Variants in GALNT10 observed in about 807,000 individuals in gnomAD.
GALNT10 encodes polypeptide N-acetylgalactosaminyltransferase 10.
In GALNT10, 41 loss-of-function variants were observed where a neutral mutation model predicts 75.0. That is an observed-to-expected ratio of 0.55 (90% CI 0.43 to 0.71). The LOEUF is 0.71. Among genes scored for constraint, GALNT10 ranks in the 30% least tolerant of loss-of-function variants. The probability of loss-of-function intolerance (pLI) is 0.00; values close to 1 mark genes in which losing one functional copy is unlikely to be tolerated. For missense variants in GALNT10, 727 were observed against 818.5 expected (o/e 0.89, Z 1.36); for synonymous variants, 302 against 313.0 (o/e 0.96, Z 0.37).
At chr5:154,279,366 C>T (rs1284729911) in intron 1 of GALNT10, among the ~76,000 whole-genome samples, 3 of 147,508 alleles carry the variant, frequency 2.0e-5, no homozygotes, top group Non-Finnish European at 4.5e-5. Flanking sequence ...TACAATGGCA[C>T]GATCTCGGCT....
chr5:154,302,830 C>T (rs1433483375), intron 3 of GALNT10, among the ~76,000 whole-genome samples: 2 of 152,106 alleles, frequency 1.3e-5, no homozygotes, highest in East Asian at 1.9e-4. Context: ...CTTATAAGCT[C>T]ATATTACTAT....
intron 1 of GALNT10, among the ~76,000 whole-genome samples, chr5:154,229,147 C>A (rs1468896116): frequency 6.6e-6 from 1 of 152,104 alleles, no homozygotes; most frequent in African/African-American, 2.4e-5. Flanking sequence ...CACTAGAGAA[C>A]CAGAGGAGGA....
intron 6 of GALNT10, among the ~76,000 whole-genome samples, chr5:154,385,587 C>CT (rs1418389805): frequency 6.6e-6 from 1 of 152,200 alleles, no homozygotes; most frequent in East Asian, 1.9e-4. Context: ...TATGCACCCT[C>CT]TGTCTTGAGG....
rs1254429574 is a variant in GALNT10 at position 154,416,269 on chromosome 5, G to A, written c.1653+337G>A. Among the ~76,000 whole-genome samples the A allele has an allele frequency of 2.6e-5, 4 of 151,554 alleles. No homozygotes were observed. The highest frequency in any genetic ancestry group is 1.9e-4 in the East Asian group (1 of 5,152). ...AGCCTGGCCAACATGGTGAAACCCCGTCTCTATACAAAAATCAGCCAGACA... is the reference window on the plus strand; with the variant it reads ...AGCCTGGCCAACATGGTGAAACCCCATCTCTATACAAAAATCAGCCAGACA... On this transcript the variant is annotated intron_variant, in intron 11 of 11. Coordinates refer to ENST00000297107, the MANE Select transcript of GALNT10 (RefSeq NM_198321.4). This position sits in a 1 kb window ranked among gnomAD's most constrained non-coding sequence, Gnocchi z 4.5.
chr5:154,299,095 A>G (rs1045982317), intron 3 of GALNT10, among the ~76,000 whole-genome samples: 22 of 152,230 alleles, frequency 1.4e-4, no homozygotes, highest in African/African-American at 4.8e-4. Flanking sequence ...ATAAAAGCTA[A>G]CATTTATTAG....
At chr5:154,301,903 C>T (rs1754368338) in intron 3 of GALNT10, among the ~76,000 whole-genome samples, 1 of 151,830 alleles carries the variant, frequency 6.6e-6, no homozygotes, top group Non-Finnish European at 1.5e-5. Flanking sequence ...GTCACCAGCC[C>T]ACCCACCCAG....
At chr5:154,384,306 G>C (rs1755776241) in intron 6 of GALNT10, among the ~76,000 whole-genome samples, 1 of 152,122 alleles carries the variant, frequency 6.6e-6, no homozygotes, top group Non-Finnish European at 1.5e-5. Context: ...GGTTAAATCA[G>C]CACTGTCCAA....
At chr5:154,303,568 C>G (rs1754390108) in intron 3 of GALNT10, among the ~76,000 whole-genome samples, 1 of 152,170 alleles carries the variant, frequency 6.6e-6, no homozygotes, top group South Asian at 2.1e-4. Flanking sequence ...TCCCACCACC[C>G]AGACTGGAAA....
rs537589292 is a variant in GALNT10 at position 154,370,586 on chromosome 5, T to C, written c.569-5691T>C. On this transcript the variant is annotated intron_variant, in intron 4 of 11. Coordinates refer to ENST00000297107, the MANE Select transcript of GALNT10 (RefSeq NM_198321.4). ...AGAGAACCTGAGGCTGAAGGAGACATCCTGGGGCCTTTGAACACCAGAAAT... is the reference window on the plus strand; with the variant it reads ...AGAGAACCTGAGGCTGAAGGAGACACCCTGGGGCCTTTGAACACCAGAAAT... Among the ~76,000 whole-genome samples the C allele has an allele frequency of 3.3e-5, 5 of 152,186 alleles. No individual in the cohort carries two copies. In the South Asian group the frequency reaches 1.0e-3, roughly 32 times the overall value.
chr5:154,293,755 T>C (rs1581959817), intron 1 of GALNT10, among the ~76,000 whole-genome samples: 1 of 152,108 alleles, frequency 6.6e-6, no homozygotes, highest in East Asian at 1.9e-4. Context: ...GCGGCACTCC[T>C]TCTCCTTGGG....
intron 3 of GALNT10, among the ~76,000 whole-genome samples, chr5:154,325,801 G>T (rs1754747994): frequency 6.6e-6 from 1 of 152,184 alleles, no homozygotes; most frequent in South Asian, 2.1e-4. Flanking sequence ...TTCCTCCTAA[G>T]ATCAGGAACA....
At chr5:154,250,357 G>C (rs147515946) in intron 1 of GALNT10, among the ~76,000 whole-genome samples, 7 of 152,292 alleles carry the variant, frequency 4.6e-5, no homozygotes, top group Admixed American at 1.3e-4. Flanking sequence ...GGCTGCTTCA[G>C]CTGCAAGTGA....
chr5:154,307,707 A>G (rs181886057), intron 3 of GALNT10, among the ~76,000 whole-genome samples: 109 of 152,132 alleles, frequency 7.2e-4, no homozygotes, highest in African/African-American at 2.6e-3. Flanking sequence ...CTGTAAAACC[A>G]GCATTATCCT....
At chr5:154,401,554 T>C (rs949105467) in intron 7 of GALNT10, among the ~76,000 whole-genome samples, 3 of 152,244 alleles carry the variant, frequency 2.0e-5, no homozygotes, top group Non-Finnish European at 2.9e-5. Flanking sequence ...TTGACATTAA[T>C]CTACCATCAG....
chr5:154,351,908 T>C (rs983116443), intron 4 of GALNT10, among the ~76,000 whole-genome samples: 4 of 152,256 alleles, frequency 2.6e-5, no homozygotes, highest in African/African-American at 7.2e-5. Flanking sequence ...ATTCAATGGC[T>C]ACCATTTATT....
intron 7 of GALNT10, among the ~76,000 whole-genome samples, chr5:154,395,870 C>T (rs6875476): frequency 0.45 from 67,700 of 152,048 alleles, 17,542 homozygotes; most frequent in African/African-American, 0.71. Context: ...ATGCAAATTA[C>T]CAGGCTCCAC....
Position 154,376,204 on chromosome 5 carries a change from C to T in GALNT10, c.569-73C>T. 4 of 941,860 alleles carry T rather than the reference C, an allele frequency of 4.2e-6. No homozygotes were observed. The highest frequency in any genetic ancestry group is 6.8e-6 in the Non-Finnish European group (4 of 586,650). The allele number at this position is 941,860 out of a possible 1,614,324, so 58.3% of individuals were successfully genotyped here. On this transcript the variant is annotated intron_variant, in intron 4 of 11. Transcript: ENST00000297107. The surrounding 1 kb of genome is among the most constrained non-coding windows in gnomAD (Gnocchi z 4.1). ...TGTCTAGACTGTGAAGTGCAGTTCA[C>T]ATGTAAGGGAGGAGTCATAAGGATG...
At chr5:154,305,042 C>T (rs1322227471) in intron 3 of GALNT10, among the ~76,000 whole-genome samples, 4 of 152,098 alleles carry the variant, frequency 2.6e-5, no homozygotes, top group Non-Finnish European at 5.9e-5. Context: ...TGGCTTGCAC[C>T]TGTGATCCTA....
rs1176991986 is a variant in GALNT10 at position 154,416,890 on chromosome 5, C to T, written c.1730C>T (p.Thr577Ile). The stretch of plus-strand genomic sequence containing the variant: ...AGTGACCATAGGATCTTCATGAACA[C>T]CTGCAACCCATCCTCTCTCACCCAG... ...SESDHRIFMN[T>I]CNPSSLTQQW... Residue 577 changes from threonine to isoleucine, a missense_variant, in exon 12 of 12, where the codon ACC becomes ATC. Coordinates refer to ENST00000297107, the MANE Select transcript of GALNT10 (RefSeq NM_198321.4). The surrounding 1 kb of genome is among the most constrained non-coding windows in gnomAD (Gnocchi z 4.5). 7 of 1,613,336 alleles carry T rather than the reference C, an allele frequency of 4.3e-6. No homozygotes were observed. Among genetic ancestry groups the T allele is most frequent in the Non-Finnish European group, 5.9e-6 (7 of 1,179,230 alleles).
Sources: allele counts gnomAD v4.1 joint callset (sites outside exome capture counted in the v4.1 genomes callset), GRCh38; gene constraint gnomAD v4.1.1; non-coding constraint Gnocchi (gnomAD v3.1); transcripts MANE v1.5; gene names NCBI Gene and HGNC (gene_info 2026-07-23, HGNC 2026-07-21).